Variants in SPOCK1 observed in about 807,000 individuals in gnomAD.
SPOCK1 encodes SPARC (osteonectin), cwcv and kazal like domains proteoglycan 1.
In SPOCK1, 23 loss-of-function variants were observed where a neutral mutation model predicts 55.3. That is an observed-to-expected ratio of 0.42 (90% CI 0.30 to 0.59). The LOEUF (loss-of-function observed/expected upper bound fraction) is 0.59. SPOCK1 is among the 20% of genes least tolerant of loss of function. SPOCK1 has a pLI of 0.22. For synonymous variants in SPOCK1, 226 were observed against 221.0 expected (o/e 1.02, Z -0.20); for missense variants, 499 against 552.5 (o/e 0.90, Z 0.97).
chr5:137,075,441 A>T (rs1336375599), intron 5 of SPOCK1, among the ~76,000 whole-genome samples: 1 of 152,190 alleles, frequency 6.6e-6, no homozygotes, highest in African/African-American at 2.4e-5. Flanking sequence ...ACACCTGGTA[A>T]AGAGCTGACC....
At chr5:137,273,272 C>T in intron 2 of SPOCK1, 1 of 667,972 alleles carries the variant, frequency 1.5e-6, no homozygotes, top group Non-Finnish European at 1.9e-6. Flanking sequence ...TGAACTAAAA[C>T]AAATATTTAC....
chr5:137,075,745 T>C (rs920923706), intron 5 of SPOCK1, among the ~76,000 whole-genome samples: 4 of 152,066 alleles, frequency 2.6e-5, no homozygotes, highest in Non-Finnish European at 5.9e-5. Context: ...GCCGGCACCG[T>C]GGAGAGGAGT....
At chr5:137,416,299 A>G (rs1461243123) in intron 2 of SPOCK1, among the ~76,000 whole-genome samples, 1 of 152,100 alleles carries the variant, frequency 6.6e-6, no homozygotes. Context: ...CCTCTGAAAA[A>G]AAAAAATTAA....
chr5:137,418,600 C>CT (rs1471411608), intron 2 of SPOCK1, among the ~76,000 whole-genome samples: 2 of 152,138 alleles, frequency 1.3e-5, no homozygotes, highest in African/African-American at 2.4e-5. Context: ...GCATGAATGT[C>CT]TTTTTTTGAG....
At chr5:137,340,422 C>A (rs375878303) in intron 2 of SPOCK1, among the ~76,000 whole-genome samples, 1 of 152,220 alleles carries the variant, frequency 6.6e-6, no homozygotes, top group Middle Eastern at 3.2e-3. Context: ...GGATTCCTGA[C>A]CCACCCTGCC....
rs569310997 is a variant in SPOCK1 at position 137,269,929 on chromosome 5, T to G, written c.187-2874A>C. Among the ~76,000 whole-genome samples, 37 of 152,282 alleles carry G rather than the reference T, an allele frequency of 2.4e-4. No individual in the cohort carries two copies. The South Asian group carries it at 7.1e-3, about 29-fold the overall frequency. On this transcript the variant is annotated intron_variant, in intron 2 of 10. Coordinates refer to ENST00000394945, the MANE Select transcript of SPOCK1 (RefSeq NM_004598.4). ...AGCCAGGCTTTTAAAAAAAAAAATC[T>G]TATTTTCTATCTAAATAAAAACATA...
At chr5:137,157,247 T>A (rs1754433887) in intron 3 of SPOCK1, among the ~76,000 whole-genome samples, 1 of 152,192 alleles carries the variant, frequency 6.6e-6, no homozygotes, top group African/African-American at 2.4e-5. Flanking sequence ...CCAAGACAAT[T>A]TGGATGGGAA....
chr5:137,338,426 C>A (rs941140540), intron 2 of SPOCK1, among the ~76,000 whole-genome samples: 12 of 151,984 alleles, frequency 7.9e-5, no homozygotes, highest in African/African-American at 2.9e-4. Flanking sequence ...CATTGATGGA[C>A]ATTTGGGTTG....
intron 3 of SPOCK1, among the ~76,000 whole-genome samples, chr5:137,175,887 C>G (rs1754842520): frequency 6.6e-6 from 1 of 152,106 alleles, no homozygotes; most frequent in South Asian, 2.1e-4. Flanking sequence ...AAGCAACAGG[C>G]AGCGACTTCT....
At chr5:137,314,178 C>T (rs1413836855) in intron 2 of SPOCK1, among the ~76,000 whole-genome samples, 4 of 152,032 alleles carry the variant, frequency 2.6e-5, no homozygotes, top group Non-Finnish European at 5.9e-5. Flanking sequence ...ACAAGCAGTG[C>T]CCATCTCATT....
intron 5 of SPOCK1, among the ~76,000 whole-genome samples, chr5:137,089,738 G>A (rs4976405): frequency 0.77 from 116,063 of 151,526 alleles, 44,926 homozygotes; most frequent in East Asian, 1. Flanking sequence ...AAACAGAAAC[G>A]CCAAATCTAC....
chr5:137,148,803 C>A (rs931716148), intron 3 of SPOCK1, among the ~76,000 whole-genome samples: 2 of 152,116 alleles, frequency 1.3e-5, no homozygotes, highest in African/African-American at 4.8e-5. Context: ...AGCCAGTGAG[C>A]CTGGATTTTA....
rs184339882 is a variant in SPOCK1 at position 137,006,844 on chromosome 5, A to G, written c.590-14244T>C. 4.1e-3 allele frequency among the ~76,000 whole-genome samples: 630 copies of G among 152,184 alleles called. 4 individuals carry two copies. Among genetic ancestry groups the G allele is most frequent in the African/African-American group, 0.015 (612 of 41,536 alleles). On this transcript the variant is annotated intron_variant, in intron 6 of 10. Transcript: ENST00000394945. The stretch of plus-strand genomic sequence containing the variant: ...TATTTGCTGTGGGATTGTCATAAAT[A>G]CCTCTTATTATTTTGAGATATGTTC...
chr5:137,369,855 C>T (rs542427224), intron 2 of SPOCK1, among the ~76,000 whole-genome samples: 1 of 152,238 alleles, frequency 6.6e-6, no homozygotes, highest in East Asian at 1.9e-4. Flanking sequence ...AGTCTACACC[C>T]CCATGACCTA....
chr5:137,088,267 G>A (rs1304446942), intron 5 of SPOCK1, among the ~76,000 whole-genome samples: 1 of 152,224 alleles, frequency 6.6e-6, no homozygotes, highest in Non-Finnish European at 1.5e-5. Context: ...TCAGAGCAGT[G>A]TCATGGACTT....
chr5:137,213,910 A>C (rs572958540), intron 3 of SPOCK1, among the ~76,000 whole-genome samples: 1 of 152,362 alleles, frequency 6.6e-6, no homozygotes, highest in Admixed American at 6.5e-5. Flanking sequence ...CAGTGTCAAC[A>C]GAAGTACTGC....
At position 137,042,101 on chromosome 5, in the gene SPOCK1, TG is replaced by T. The variant is rs200530712; in HGVS notation, c.589+25613del. ...AACAAACTATGAAACATCCATACAA[TG>T]GACTACTATTCAGTGATAAAAAAAT... On this transcript the variant is annotated intron_variant, in intron 6 of 10. Coordinates refer to ENST00000394945, the MANE Select transcript of SPOCK1 (RefSeq NM_004598.4). Among the ~76,000 whole-genome samples the T allele has an allele frequency of 9.3e-3, 1,416 of 152,274 alleles. 23 individuals carry two copies. The highest frequency in any genetic ancestry group is 0.029 in the African/African-American group (1,197 of 41,564).
At chr5:137,301,341 T>A (rs1441687699) in intron 2 of SPOCK1, among the ~76,000 whole-genome samples, 1 of 152,184 alleles carries the variant, frequency 6.6e-6, no homozygotes, top group Non-Finnish European at 1.5e-5. Flanking sequence ...GCTTACCAAC[T>A]GAGAGGCATC....
rs116336022 is a variant in SPOCK1, at chr5:137,473,128, T to C, written c.186+25245A>G. Reference sequence around the variant, plus strand: ...GAATTTACCCCCAAAGATATACGTCTCTGCAAACATGAAACAATAAATGCA... The same window carrying C: ...GAATTTACCCCCAAAGATATACGTCCCTGCAAACATGAAACAATAAATGCA... On this transcript the variant is annotated intron_variant, in intron 2 of 10. Coordinates refer to ENST00000394945, the MANE Select transcript of SPOCK1 (RefSeq NM_004598.4). Among the ~76,000 whole-genome samples, 408 of 152,320 alleles carry C rather than the reference T, an allele frequency of 2.7e-3. 1 individual carries two copies. The highest frequency in any genetic ancestry group is 9.4e-3 in the African/African-American group (392 of 41,564).
Sources: gnomAD v4.1 joint callset for allele counts (sites outside exome capture counted in the v4.1 genomes callset) on GRCh38, gnomAD v4.1.1 for gene constraint, MANE v1.5 for transcripts, NCBI Gene and HGNC (gene_info 2026-07-23, HGNC 2026-07-21) for gene names.